Variants in SYNJ2 observed in about 807,000 individuals in gnomAD.
The protein encoded by SYNJ2 is polyphosphatidylinositol phosphatase SYNJ2.
A neutral mutation model predicts 141.3 loss-of-function variants in SYNJ2; 116 were observed. That is an observed-to-expected ratio of 0.82 (90% CI 0.71 to 0.96). The LOEUF is 0.96. Ranked by LOEUF, SYNJ2 falls within the 40% of genes least tolerant of loss-of-function variation. The pLI, the probability that SYNJ2 is intolerant of heterozygous loss-of-function variation, is 0.00. For missense variants in SYNJ2, 1,873 were observed against 1,934.8 expected, an observed-to-expected ratio of 0.97 and a Z score of 0.60; for synonymous variants, 745 against 777.7, an observed-to-expected ratio of 0.96 and a Z score of 0.70.
rs1782441373 is a variant in SYNJ2 at position 158,078,191 on chromosome 6, A to T, written c.2477A>T (p.Asp826Val). The T allele has an allele frequency of 1.2e-6, 2 of 1,613,070 alleles. No homozygotes were observed. Among genetic ancestry groups the T allele is most frequent in the Non-Finnish European group, 1.7e-6 (2 of 1,179,190 alleles). Residue 826 changes from aspartate to valine, a missense_variant, in exon 18 of 27, where the codon GAT becomes GTT. Asp to Val is a radical substitution (Grantham distance 152, BLOSUM62 -3). Coordinates refer to ENST00000355585, the MANE Select transcript of SYNJ2 (RefSeq NM_003898.4). Reference sequence around the variant, plus strand: ...GGAGAACTCAACCTTCTAGACAGTGATCTAGATGTTGACACCAAAGTCAGA... The same window carrying T: ...GGAGAACTCAACCTTCTAGACAGTGTTCTAGATGTTGACACCAAAGTCAGA... ...TAGELNLLDS[D>V]LDVDTKVRHT...
Position 158,062,015 on chromosome 6 carries a change from C to T in SYNJ2, c.978C>T (p.His326=), listed in dbSNP as rs148490195. 627 of 1,614,052 alleles carry T rather than the reference C, an allele frequency of 3.9e-4. 1 individual carries two copies. Among genetic ancestry groups the T allele is most frequent in the Non-Finnish European group, 9.1e-5 (107 of 1,179,996 alleles). Residue 326 remains histidine, a synonymous_variant, in exon 8 of 27, where the codon CAC becomes CAT. Coordinates refer to ENST00000355585, the MANE Select transcript of SYNJ2 (RefSeq NM_003898.4). ...AFKKLLWASC[H]AGDTPMINFD... is the part of the protein sequence containing the mutation. ...AGAAGCTGCTCTGGGCTTCTTGCCACGCGGGCGACACGCCTATGATCAATT... is the reference window on the plus strand; with the variant it reads ...AGAAGCTGCTCTGGGCTTCTTGCCATGCGGGCGACACGCCTATGATCAATT...
In SYNJ2 at chr6:158,027,862, G is replaced by C. The variant is rs2128335479; in HGVS notation, c.215-894G>C. The stretch of plus-strand genomic sequence containing the variant: ...GGAGGAGTTCTTCTGGTGAAGTGGG[G>C]AGGGCAGAGGCAGGATGGTCCCTAC... On this transcript the variant is annotated intron_variant, in intron 2 of 26. Coordinates refer to ENST00000355585, the MANE Select transcript of SYNJ2 (RefSeq NM_003898.4). The surrounding 1 kb of genome is among the most constrained non-coding windows in gnomAD (Gnocchi z 4.6). 6.5e-6 allele frequency: 1 copy of C among 152,724 alleles called. No individual in the cohort carries two copies. Among genetic ancestry groups the C allele is most frequent in the African/African-American group, 2.4e-5 (1 of 41,562 alleles). 9.5% of individuals were successfully genotyped at this position (152,724 alleles called of 1,614,324 possible).
intron 26 of SYNJ2, chr6:158,093,850 G>A (rs578155589): frequency 4.3e-5 from 33 of 762,556 alleles, no homozygotes; most frequent in East Asian, 2.9e-4. Context: ...CTCAGCCTAC[G>A]AGAGGTTCCA....
intron 4 of SYNJ2, among the ~76,000 whole-genome samples, chr6:158,039,222 C>T (rs746179372): frequency 5.9e-5 from 9 of 152,222 alleles, no homozygotes; most frequent in Non-Finnish European, 1.2e-4. Context: ...GATCTAAGTT[C>T]GTTTTTAAAA....
intron 25 of SYNJ2, among the ~76,000 whole-genome samples, chr6:158,090,584 A>T (rs1327197156): frequency 2.4e-5 from 3 of 126,020 alleles, no homozygotes; most frequent in African/African-American, 9.1e-5. Flanking sequence ...TCACTCTGTC[A>T]GCTGGACTGG....
chr6:158,011,106 A>G (rs542508820), intron 1 of SYNJ2, among the ~76,000 whole-genome samples: 6 of 151,530 alleles, frequency 4.0e-5, no homozygotes, highest in Admixed American at 1.3e-4. Flanking sequence ...CAATTGGGGG[A>G]CACCACGCGG....
intron 3 of SYNJ2, among the ~76,000 whole-genome samples, chr6:158,032,725 C>T (rs1321175886): frequency 1.3e-5 from 2 of 152,178 alleles, no homozygotes; most frequent in South Asian, 2.1e-4. Flanking sequence ...CATAGGGTCA[C>T]TTCAAGGGTG....
At chr6:158,065,198 C>T (rs1781491458) in intron 11 of SYNJ2, among the ~76,000 whole-genome samples, 2 of 152,198 alleles carry the variant, frequency 1.3e-5, no homozygotes, top group Admixed American at 6.5e-5. Context: ...TCTGTCTCGG[C>T]TTGGACTGTG....
chr6:158,008,843 C>G (rs1778162961), intron 1 of SYNJ2, among the ~76,000 whole-genome samples: 1 of 152,192 alleles, frequency 6.6e-6, no homozygotes, highest in African/African-American at 2.4e-5. Flanking sequence ...AGTCAGTTCT[C>G]AACAGAGCAG....
rs1418111194 is a variant in SYNJ2, at chr6:157,982,739, T to C, written c.127+651T>C. Among the ~76,000 whole-genome samples the C allele has an allele frequency of 6.6e-6, 1 of 152,258 alleles. No homozygotes were observed. ...ATGGGCTTTAGTACGTGATCTCACT[T>C]AATTCTCACAATTCTACTAAAAAGC... On this transcript the variant is annotated intron_variant, in intron 1 of 26. Transcript: ENST00000355585. The surrounding 1 kb of genome is among the most constrained non-coding windows in gnomAD (Gnocchi z 4.0).
At position 158,078,225 on chromosome 6, in the gene SYNJ2, G is replaced by T; in HGVS notation, c.2511G>T (p.Trp837Cys). ...TTGACACCAAAGTCAGACACACCTG[G>T]TCTCCTGGTGCCCTGCAGTATTATG... ...LDVDTKVRHT[W>C]SPGALQYYGR... is the part of the protein sequence containing the mutation. Residue 837 changes from tryptophan to cysteine, a missense_variant, in exon 18 of 27, where the codon TGG becomes TGT. Coordinates refer to ENST00000355585, the MANE Select transcript of SYNJ2 (RefSeq NM_003898.4). 1 of 1,614,080 alleles carries T rather than the reference G, an allele frequency of 6.2e-7. No homozygotes were observed. Among genetic ancestry groups the T allele is most frequent in the Non-Finnish European group, 8.5e-7 (1 of 1,179,998 alleles).
intron 1 of SYNJ2, among the ~76,000 whole-genome samples, chr6:158,000,603 G>C (rs189688106): frequency 4.6e-5 from 7 of 152,254 alleles, no homozygotes; most frequent in African/African-American, 7.2e-5. Flanking sequence ...TCTGGATTCT[G>C]GATTGAAATA....
intron 4 of SYNJ2, among the ~76,000 whole-genome samples, chr6:158,038,490 T>G (rs928132232): frequency 3.3e-5 from 5 of 152,042 alleles, no homozygotes; most frequent in African/African-American, 1.2e-4. Flanking sequence ...ACGGTAGCTC[T>G]TGGTTGGGTG....
chr6:158,059,566 TTTTTTAA>T, intron 7 of SYNJ2: 11 of 816,256 alleles, frequency 1.3e-5, no homozygotes, highest in Non-Finnish European at 1.7e-5. Flanking sequence ...CTTTTTTTTT[TTTTTTAA>T]GACAGAGTTT....
intron 25 of SYNJ2, among the ~76,000 whole-genome samples, chr6:158,092,001 T>A (rs1783490209): frequency 6.6e-6 from 1 of 151,742 alleles, no homozygotes; most frequent in South Asian, 2.1e-4. Context: ...TGTTCTGGAG[T>A]TAGATCGTAT....
intron 1 of SYNJ2, among the ~76,000 whole-genome samples, chr6:157,999,151 A>C (rs929730550): frequency 6.6e-6 from 1 of 152,272 alleles, no homozygotes; most frequent in South Asian, 2.1e-4. Flanking sequence ...ATAATGAGCA[A>C]TTCTCCAAAG....
At chr6:158,016,788 C>T (rs745590225) in intron 1 of SYNJ2, among the ~76,000 whole-genome samples, 1 of 152,170 alleles carries the variant, frequency 6.6e-6, no homozygotes, top group South Asian at 2.1e-4. Flanking sequence ...GGCACCTCTG[C>T]CCAGTCTCCC....
chr6:158,020,031 CCCACCTGTGTGACTGACT>C (rs142360858), intron 2 of SYNJ2, among the ~76,000 whole-genome samples: 18,752 of 150,868 alleles, frequency 0.12, 1,777 homozygotes, highest in African/African-American at 0.24. Flanking sequence ...ACTGTGTGAC[CCCACCTGTGTGACTGACT>C]CCACCTGTGT....
intron 18 of SYNJ2, 130 bp from the exon 19 acceptor site, chr6:158,080,979 T>C: frequency 1.2e-6 from 1 of 832,834 alleles, no homozygotes; most frequent in East Asian, 2.6e-5. Flanking sequence ...CAAAGAGCCC[T>C]GGGGGACAGC....
Sources: allele counts gnomAD v4.1 joint callset (sites outside exome capture counted in the v4.1 genomes callset), GRCh38; gene constraint gnomAD v4.1.1; non-coding constraint Gnocchi (gnomAD v3.1); transcripts MANE v1.5; gene names NCBI Gene and HGNC (gene_info 2026-07-23, HGNC 2026-07-21).